Variants in PSD3 observed in about 807,000 individuals in gnomAD.
PSD3 encodes PH and SEC7 domain-containing protein 3.
PSD3 carries 49 observed loss-of-function variants against 105.5 expected under a neutral mutation model. The observed-to-expected ratio is 0.46, with a 90% confidence interval of 0.37 to 0.59. The LOEUF is 0.59. Among genes scored for constraint, PSD3 ranks in the 20% least tolerant of loss-of-function variants. PSD3 has a pLI of 0.00. For missense variants in PSD3, 1,561 were observed against 1,263.8 expected (o/e 1.24, Z -3.57); for synonymous variants, 557 against 457.8 (o/e 1.22, Z -2.77).
chr8:19,006,773 T>A (rs1826701958), intron 1 of PSD3, among the ~76,000 whole-genome samples: 1 of 152,098 alleles, frequency 6.6e-6, no homozygotes, highest in Non-Finnish European at 1.5e-5. Flanking sequence ...CAGATGCTAT[T>A]CAGACATTTT....
chr8:18,805,541 C>T (rs1811125650), intron 4 of PSD3, among the ~76,000 whole-genome samples: 1 of 152,098 alleles, frequency 6.6e-6, no homozygotes, highest in African/African-American at 2.4e-5. Flanking sequence ...GTGGTAGTTT[C>T]TTAAAGGATA....
intron 1 of PSD3, among the ~76,000 whole-genome samples, chr8:18,993,502 G>T (rs1050293179): frequency 6.6e-5 from 10 of 152,162 alleles, no homozygotes; most frequent in Admixed American, 2.0e-4. Context: ...AAGATAATGA[G>T]TGTAAAGTCT....
chr8:18,561,902 G>A (rs985666629), intron 14 of PSD3, among the ~76,000 whole-genome samples: 10 of 152,112 alleles, frequency 6.6e-5, no homozygotes, highest in Non-Finnish European at 1.3e-4. Context: ...TTCTCCCCCG[G>A]TGCAAAGCCC....
chr8:18,937,568 G>A (rs776296241), intron 1 of PSD3, among the ~76,000 whole-genome samples: 1 of 152,108 alleles, frequency 6.6e-6, no homozygotes, highest in Non-Finnish European at 1.5e-5. Context: ...AAGAGCTAGC[G>A]TGCACAACAT....
At chr8:19,071,075 G>T (rs1175412015) in intron 1 of PSD3, among the ~76,000 whole-genome samples, 1 of 151,446 alleles carries the variant, frequency 6.6e-6, no homozygotes, top group Non-Finnish European at 1.5e-5. Context: ...GAAGGGGGTA[G>T]GGGGGTTGGA....
At chr8:18,665,451 T>G (rs1329465168) in intron 9 of PSD3, among the ~76,000 whole-genome samples, 2 of 152,136 alleles carry the variant, frequency 1.3e-5, no homozygotes, top group African/African-American at 4.8e-5. Context: ...TGGTAAAACA[T>G]GAACAGATGA....
chr8:18,693,839 CTTAAG>C (rs1801112934), intron 9 of PSD3, among the ~76,000 whole-genome samples: 1 of 152,170 alleles, frequency 6.6e-6, no homozygotes, highest in African/African-American at 2.4e-5. Context: ...CCTTTTTACT[CTTAAG>C]TTATTAAAGG....
At chr8:18,928,191 T>A (rs1821500372) in intron 2 of PSD3, among the ~76,000 whole-genome samples, 1 of 152,188 alleles carries the variant, frequency 6.6e-6, no homozygotes, top group African/African-American at 2.4e-5. Flanking sequence ...GATAATGGAA[T>A]CATGCGGGCA....
chr8:18,723,479 G>C (rs1319964825), intron 9 of PSD3, among the ~76,000 whole-genome samples: 2 of 152,072 alleles, frequency 1.3e-5, no homozygotes, highest in African/African-American at 4.8e-5. Context: ...TAGTTCCTTA[G>C]GCGTTTCTCT....
At chr8:18,955,803 C>T (rs1237481287) in intron 1 of PSD3, among the ~76,000 whole-genome samples, 4 of 151,644 alleles carry the variant, frequency 2.6e-5, no homozygotes, top group Non-Finnish European at 4.4e-5. Context: ...GAGTCTCATT[C>T]TGTTGCCCAG....
At chr8:18,749,938 C>G (rs1476651778) in intron 9 of PSD3, among the ~76,000 whole-genome samples, 1 of 152,108 alleles carries the variant, frequency 6.6e-6, no homozygotes, top group Non-Finnish European at 1.5e-5. Flanking sequence ...CCTTCAGAGC[C>G]TCCAGAAATA....
At chr8:18,582,619 A>C (rs1802889823) in intron 12 of PSD3, among the ~76,000 whole-genome samples, 1 of 152,062 alleles carries the variant, frequency 6.6e-6, no homozygotes, top group Admixed American at 6.5e-5. Flanking sequence ...CTCCAGATCA[A>C]AGTATGCATA....
intron 15 of PSD3, among the ~76,000 whole-genome samples, chr8:18,552,857 G>C (rs1800856952): frequency 1.3e-5 from 2 of 152,180 alleles, no homozygotes; most frequent in African/African-American, 2.4e-5. Context: ...AGTCAATGAA[G>C]AGAGCCCATT....
intron 9 of PSD3, among the ~76,000 whole-genome samples, chr8:18,695,745 C>T (rs1455958374): frequency 6.6e-6 from 1 of 152,178 alleles, no homozygotes; most frequent in Non-Finnish European, 1.5e-5. Context: ...TTGAATTTAT[C>T]TACCTTGTAA....
chr8:18,768,669 A>G (rs1807236899), intron 8 of PSD3, among the ~76,000 whole-genome samples: 1 of 152,190 alleles, frequency 6.6e-6, no homozygotes, highest in South Asian at 2.1e-4. Flanking sequence ...GCCTGAGAAC[A>G]TACACCTGTG....
intron 8 of PSD3, among the ~76,000 whole-genome samples, chr8:18,772,395 A>G (rs1399705645): frequency 6.6e-6 from 1 of 151,808 alleles, no homozygotes; most frequent in African/African-American, 2.4e-5. Flanking sequence ...AATAGTTTCT[A>G]TTTTTTTTGA....
intron 15 of PSD3, among the ~76,000 whole-genome samples, chr8:18,547,455 A>G (rs1411883912): frequency 6.6e-6 from 1 of 152,148 alleles, no homozygotes; most frequent in African/African-American, 2.4e-5. Context: ...TTTCCCCTCA[A>G]GGGGGTAGTC....
chr8:18,922,930 G>C (rs530077729), intron 2 of PSD3, among the ~76,000 whole-genome samples: 1 of 152,154 alleles, frequency 6.6e-6, no homozygotes, highest in Non-Finnish European at 1.5e-5. Context: ...CCATGTGTTC[G>C]TCTTTCAGGG....
At chr8:18,885,944 C>T (rs1330527811) in intron 2 of PSD3, among the ~76,000 whole-genome samples, 1 of 152,146 alleles carries the variant, frequency 6.6e-6, no homozygotes, top group Non-Finnish European at 1.5e-5. Context: ...ATTTTTGGTG[C>T]TACCTTTGAG....
Sources: allele counts gnomAD v4.1 joint callset (sites outside exome capture counted in the v4.1 genomes callset), GRCh38; gene constraint gnomAD v4.1.1; transcripts MANE v1.5; gene names NCBI Gene and HGNC (gene_info 2026-07-23, HGNC 2026-07-21).